The following COL10A1 variants were observed in gnomAD, a reference collection of about 807,000 sequenced individuals.
COL10A1 encodes collagen alpha-1(X) chain.
In COL10A1, 10 loss-of-function variants were observed where a neutral mutation model predicts 18.2. The observed-to-expected ratio is 0.55, with a 90% CI of 0.34 to 0.93. The LOEUF is 0.93. Ranked by LOEUF, COL10A1 falls within the 40% of genes least tolerant of loss-of-function variation. The probability of loss-of-function intolerance (pLI) is 0.02; values close to 1 mark genes in which losing one functional copy is unlikely to be tolerated. For missense variants in COL10A1, 897 were observed against 853.5 expected (o/e 1.05, Z -0.64); for synonymous variants, 330 against 316.6 (o/e 1.04, Z -0.45).
chr6:116,197,842 C>A, the COL10A1 span, among the ~76,000 whole-genome samples: 1 of 152,016 alleles, frequency 6.6e-6, no homozygotes, highest in Non-Finnish European at 1.5e-5. Flanking sequence ...CATTGAGAAG[C>A]GTTTACATGT....
At chr6:116,187,472 T>C in the COL10A1 span, among the ~76,000 whole-genome samples, 6 of 152,130 alleles carry the variant, frequency 3.9e-5, no homozygotes, top group African/African-American at 1.4e-4. Context: ...TCATGGCTTA[T>C]TTTAAAGTTA....
the COL10A1 span, among the ~76,000 whole-genome samples, chr6:116,185,368 T>C: frequency 6.6e-6 from 1 of 152,140 alleles, no homozygotes; most frequent in Non-Finnish European, 1.5e-5. Context: ...TGAAAATATC[T>C]GTTAAGTCCA....
chr6:116,162,280 C>T (rs374997779), upstream of COL10A1, among the ~76,000 whole-genome samples: 1 of 152,240 alleles, frequency 6.6e-6, no homozygotes, highest in East Asian at 1.9e-4. Flanking sequence ...CTTTCTCCTG[C>T]CTGATTGCTC....
chr6:116,135,879 A>ATGTATGTATATATATATATATATG, intron 1 of COL10A1, among the ~76,000 whole-genome samples: 1 of 146,202 alleles, frequency 6.8e-6, no homozygotes. Context: ...ATATACACAC[A>ATGTATGTATATATATATATATATG]TACACACACA....
At chr6:116,184,425 G>A in the COL10A1 span, among the ~76,000 whole-genome samples, 3 of 151,934 alleles carry the variant, frequency 2.0e-5, no homozygotes, top group Admixed American at 1.3e-4. Flanking sequence ...GAATGATTTA[G>A]AGAGGATTCC....
chr6:116,183,472 A>G, the COL10A1 span, among the ~76,000 whole-genome samples: 1 of 151,960 alleles, frequency 6.6e-6, no homozygotes, highest in African/African-American at 2.4e-5. Flanking sequence ...CAGTATGGTC[A>G]TTTTTTAAAT....
At chr6:116,185,261 A>G in the COL10A1 span, among the ~76,000 whole-genome samples, 9 of 152,080 alleles carry the variant, frequency 5.9e-5, no homozygotes, top group Non-Finnish European at 2.9e-5. Flanking sequence ...AAATTTGTTA[A>G]GACTTGCTTT....
the COL10A1 span, among the ~76,000 whole-genome samples, chr6:116,167,009 A>G: frequency 5.3e-5 from 8 of 152,226 alleles, no homozygotes; most frequent in African/African-American, 7.2e-5. Context: ...TAGGCCTACT[A>G]TAGGACTTAT....
At chr6:116,160,281 T>C (rs535220586), upstream of COL10A1, among the ~76,000 whole-genome samples, 14 of 152,278 alleles carry the variant, frequency 9.2e-5, no homozygotes, top group African/African-American at 3.4e-4. Context: ...ACATCTGTTA[T>C]CTATTGGCTT....
chr6:116,152,209 A>G (rs1780060191), intron 1 of COL10A1, among the ~76,000 whole-genome samples: 1 of 152,188 alleles, frequency 6.6e-6, no homozygotes, highest in South Asian at 2.1e-4. Context: ...AGAATTTGAA[A>G]TGAGAATATA....
the COL10A1 span, among the ~76,000 whole-genome samples, chr6:116,204,960 A>ATG: frequency 1.3e-5 from 2 of 151,974 alleles, no homozygotes. Context: ...ATACATGTAT[A>ATG]TGTGTGTGTA....
chr6:116,193,055 T>C, the COL10A1 span, among the ~76,000 whole-genome samples: 1 of 152,104 alleles, frequency 6.6e-6, no homozygotes, highest in Non-Finnish European at 1.5e-5. Context: ...TTACTAAAGC[T>C]GTACAGAATA....
the COL10A1 span, among the ~76,000 whole-genome samples, chr6:116,189,396 G>A: frequency 7.9e-5 from 12 of 151,726 alleles, no homozygotes; most frequent in East Asian, 1.9e-4. Flanking sequence ...TTTTGTCTTC[G>A]TAGTCTTGAC....
the COL10A1 span, among the ~76,000 whole-genome samples, chr6:116,200,023 G>A: frequency 9.1e-3 from 1,382 of 151,260 alleles, 22 homozygotes; most frequent in African/African-American, 0.032. Flanking sequence ...TAACTTTGCA[G>A]TGGGGCAACC....
At chr6:116,123,564 A>G (rs959075264) in intron 2 of COL10A1, among the ~76,000 whole-genome samples, 1 of 152,242 alleles carries the variant, frequency 6.6e-6, no homozygotes, top group Non-Finnish European at 1.5e-5. Flanking sequence ...GTTTTGACAG[A>G]ACTCTTTTTT....
At chr6:116,142,154 A>G (rs1779783477) in intron 1 of COL10A1, among the ~76,000 whole-genome samples, 3 of 152,100 alleles carry the variant, frequency 2.0e-5, no homozygotes, top group Admixed American at 2.0e-4. Context: ...ACTCTTTCTA[A>G]TATATGAAAC....
the COL10A1 span, among the ~76,000 whole-genome samples, chr6:116,178,088 T>TGTGTGTGTGCGCGC: frequency 2.0e-5 from 2 of 99,624 alleles, no homozygotes; most frequent in African/African-American, 9.3e-5. Flanking sequence ...TGTGTGTGTG[T>TGTGTGTGTGCGCGC]GCGCGCGCGC....
intron 1 of COL10A1, among the ~76,000 whole-genome samples, chr6:116,131,656 CT>C (rs755283099): frequency 7.2e-5 from 11 of 152,092 alleles, no homozygotes; most frequent in Non-Finnish European, 1.0e-4. Context: ...TATTTCCTGT[CT>C]TTTGCCAATA....
the COL10A1 span, among the ~76,000 whole-genome samples, chr6:116,209,903 A>T: frequency 6.6e-6 from 1 of 152,014 alleles, no homozygotes; most frequent in Admixed American, 6.6e-5. Context: ...TTTAACAGAT[A>T]ATGGTCATCA....
Sources: allele counts gnomAD v4.1 joint callset (sites outside exome capture counted in the v4.1 genomes callset), GRCh38; gene constraint gnomAD v4.1.1; transcripts MANE v1.5; gene names NCBI Gene and HGNC (gene_info 2026-07-23, HGNC 2026-07-21).